DOCK2: variants seen among roughly 807,000 people sequenced by gnomAD.
DOCK2 encodes the protein dedicator of cytokinesis 2.
Under a neutral mutation model 248.9 loss-of-function variants are expected in DOCK2, and 87 were observed. The observed-to-expected ratio is 0.35, with a 90% CI of 0.29 to 0.42. The LOEUF is 0.42. Among genes scored for constraint, DOCK2 ranks in the 10% least tolerant of loss-of-function variants. DOCK2 has a pLI of 1.00. For missense variants in DOCK2, 1,747 were observed against 2,300.2 expected (o/e 0.76, Z 4.92); for synonymous variants, 805 against 821.6 (o/e 0.98, Z 0.35).
intron 27 of DOCK2, among the ~76,000 whole-genome samples, chr5:169,926,243 T>C (rs1388528165): frequency 2.6e-5 from 4 of 152,238 alleles, no homozygotes; most frequent in Non-Finnish European, 5.9e-5. Context: ...GCCACTCACC[T>C]GATTGTCTCT....
chr5:170,014,893 G>A (rs1755456458), intron 32 of DOCK2, among the ~76,000 whole-genome samples: 1 of 152,156 alleles, frequency 6.6e-6, no homozygotes, highest in African/African-American at 2.4e-5. Flanking sequence ...TGATCCAACT[G>A]GGGCTTTTCA....
At chr5:170,034,225 G>GA (rs11392569) in intron 34 of DOCK2, among the ~76,000 whole-genome samples, 174 bp from the exon 35 acceptor site, 61,938 of 151,836 alleles carry the variant, frequency 0.41, 13,626 homozygotes, top group East Asian at 0.58. Flanking sequence ...TCTGATGTTA[G>GA]AAAAAAAATT....
rs551529285 is a variant in DOCK2 at position 169,666,380 on chromosome 5, A to G, written c.128-2908A>G. Among the ~76,000 whole-genome samples the G allele has an allele frequency of 1.8e-4, 28 of 152,304 alleles. No homozygotes were observed. The Middle Eastern group carries it at 0.017, about 93-fold the overall frequency. On this transcript the variant is annotated intron_variant, in intron 2 of 51. Transcript: ENST00000520908. ...CATAGCAATGCACACTGTGAATTTT[A>G]TGTTAAAGAAAGTGGTTATCTCATG...
At chr5:169,905,389 G>A (rs973303136) in intron 27 of DOCK2, among the ~76,000 whole-genome samples, 3 of 152,066 alleles carry the variant, frequency 2.0e-5, no homozygotes, top group Non-Finnish European at 4.4e-5. Context: ...TCATCTGGGG[G>A]CAAACCAAAC....
intron 29 of DOCK2, among the ~76,000 whole-genome samples, chr5:169,987,459 T>C (rs1007893442): frequency 6.6e-6 from 1 of 152,226 alleles, no homozygotes; most frequent in Non-Finnish European, 1.5e-5. Flanking sequence ...CTAGAAGTTG[T>C]TACCAGAAAG....
At chr5:169,669,409 C>A in intron 3 of DOCK2, 81 bp downstream of exon 3, 2 of 1,479,028 alleles carry the variant, frequency 1.4e-6, no homozygotes, top group Non-Finnish European at 1.9e-6. Context: ...AGGTCTCTCC[C>A]ACCATTGCTC....
intron 25 of DOCK2, among the ~76,000 whole-genome samples, chr5:169,766,292 A>G (rs1465945012): frequency 6.6e-6 from 1 of 152,142 alleles, no homozygotes; most frequent in Non-Finnish European, 1.5e-5. Context: ...CTCAATGTTT[A>G]GCTCTCACTT....
intron 26 of DOCK2, among the ~76,000 whole-genome samples, chr5:169,824,540 T>G (rs1284619378): frequency 6.6e-6 from 1 of 152,194 alleles, no homozygotes; most frequent in Non-Finnish European, 1.5e-5. Flanking sequence ...CCCTATTTAA[T>G]AAATGGTGCT....
intron 13 of DOCK2, 77 bp downstream of exon 13, chr5:169,700,216 A>T (rs1760884185): frequency 6.5e-7 from 1 of 1,535,832 alleles, no homozygotes; most frequent in South Asian, 1.3e-5. Flanking sequence ...TTCCTTCTAA[A>T]GAGTCAACTC....
At chr5:169,728,883 G>A (rs1762623282) in intron 22 of DOCK2, among the ~76,000 whole-genome samples, 1 of 152,186 alleles carries the variant, frequency 6.6e-6, no homozygotes, top group Non-Finnish European at 1.5e-5. Flanking sequence ...TAAATGGTGT[G>A]GAATGAGGCT....
chr5:169,698,327 G>A lies in DOCK2; in HGVS notation c.980-47G>A. ...GCTCATCCCACTGTCATCCCTTATG[G>A]GAACAGGAAGAAGTTAAACCATTAA... On this transcript the variant is annotated intron_variant, in intron 10 of 51. Transcript: ENST00000520908. 4 of 1,594,444 alleles carry A rather than the reference G, an allele frequency of 2.5e-6. No individual in the cohort carries two copies. In the East Asian group the frequency reaches 6.7e-5, roughly 27 times the overall value.
intron 34 of DOCK2, among the ~76,000 whole-genome samples, chr5:170,032,241 T>C (rs1342567398): frequency 6.6e-6 from 1 of 152,044 alleles, no homozygotes; most frequent in Non-Finnish European, 1.5e-5. Context: ...GGAGCCAGGA[T>C]TGTCTCTATC....
At position 169,714,193 on chromosome 5, in the gene DOCK2, A is replaced by G; in HGVS notation, c.1825A>G (p.Thr609Ala). 2 of 1,610,352 alleles carry G rather than the reference A, an allele frequency of 1.2e-6. No homozygotes were observed. The highest frequency in any genetic ancestry group is 1.1e-5 in the South Asian group (1 of 90,692). Residue 609 changes from threonine to alanine, a missense_variant, in exon 18 of 52, where the codon ACA becomes GCA. Around this residue, in one of 4 missense-constraint regions of DOCK2, gnomAD observed 858 missense variants for 1,183.5 expected, o/e 0.72. Transcript: ENST00000520908. ...VFSISTLVCS[T>A]KLTQNVGLLG... Reference sequence around the variant, plus strand: ...CTCCATTTCCACCCTGGTGTGCTCCACAAAGCTCACTCAGAATGGTAATCG... The same window carrying G: ...CTCCATTTCCACCCTGGTGTGCTCCGCAAAGCTCACTCAGAATGGTAATCG...
chr5:169,696,811 A>G (rs1213020058), intron 10 of DOCK2, among the ~76,000 whole-genome samples: 1 of 147,766 alleles, frequency 6.8e-6, no homozygotes, highest in Non-Finnish European at 1.5e-5. Flanking sequence ...AGGATGTTTT[A>G]CTGAGCTCAC....
chr5:169,868,579 C>A (rs748676417), intron 27 of DOCK2, among the ~76,000 whole-genome samples: 2 of 152,016 alleles, frequency 1.3e-5, no homozygotes, highest in African/African-American at 4.8e-5. Flanking sequence ...GGCAACATAG[C>A]GAGACACCAT....
chr5:169,688,000 C>T (rs905508177), intron 8 of DOCK2, among the ~76,000 whole-genome samples: 1 of 152,216 alleles, frequency 6.6e-6, no homozygotes, highest in African/African-American at 2.4e-5. Context: ...CCTCAGCTCA[C>T]TGCAACCTCC....
At position 169,718,700 on chromosome 5, in the gene DOCK2, A is replaced by T; in HGVS notation, c.2176A>T (p.Arg726Ter). The T allele has an allele frequency of 6.2e-7, 1 of 1,614,010 alleles. No individual in the cohort carries two copies. Among genetic ancestry groups the T allele is most frequent in the Non-Finnish European group, 8.5e-7 (1 of 1,179,902 alleles). ...GAAGACTTACTTGGATACCTCCAGCAGAGGGGAGCAATGTGAGCCAATCCT... is the reference window on the plus strand; with the variant it reads ...GAAGACTTACTTGGATACCTCCAGCTGAGGGGAGCAATGTGAGCCAATCCT... Reference protein sequence around the residue: ...VLKTYLDTSSRGEQCEPILRT... With the variant: ...VLKTYLDTSS Residue 726 changes from arginine to a stop codon, truncating the protein, a stop_gained, in exon 22 of 52, where the codon AGA becomes TGA. Coordinates refer to ENST00000520908, the MANE Select transcript of DOCK2 (RefSeq NM_004946.3). LOFTEE classifies it high-confidence loss of function.
chr5:169,915,437 G>A (rs1156325775), intron 27 of DOCK2, among the ~76,000 whole-genome samples: 4 of 152,090 alleles, frequency 2.6e-5, no homozygotes, highest in African/African-American at 7.2e-5. Flanking sequence ...AAACCAAAGA[G>A]ATTAAGTCAT....
intron 28 of DOCK2, among the ~76,000 whole-genome samples, chr5:169,985,385 GTGTGTGTGTA>G (rs1335253292): frequency 4.7e-5 from 7 of 150,500 alleles, no homozygotes; most frequent in Non-Finnish European, 7.4e-5. Flanking sequence ...GTGTGTGTGT[GTGTGTGTGTA>G]TGTGTGTGAC....
Sources: allele counts gnomAD v4.1 joint callset (sites outside exome capture counted in the v4.1 genomes callset), GRCh38; gene constraint gnomAD v4.1.1; regional missense constraint gnomAD v4.1.1; transcripts MANE v1.5; gene names NCBI Gene and HGNC (gene_info 2026-07-23, HGNC 2026-07-21).